FER1L5: variants seen among roughly 807,000 people sequenced by gnomAD.
FER1L5 encodes fer-1 like family member 5.
Under a neutral mutation model 279.9 loss-of-function variants are expected in FER1L5, and 187 were observed. That is an observed-to-expected ratio of 0.67 (90% CI 0.59 to 0.75). The LOEUF (loss-of-function observed/expected upper bound fraction) is 0.75. Among genes scored for constraint, FER1L5 ranks in the 30% least tolerant of loss-of-function variants. FER1L5 has a pLI of 0.00. For synonymous variants in FER1L5, 921 were observed against 989.7 expected, an observed-to-expected ratio of 0.93 and a Z score of 1.30; for missense variants, 2,091 against 2,594.4, an observed-to-expected ratio of 0.81 and a Z score of 4.21.
chr2:96,692,290 G>A, intron 31 of FER1L5, 109 bp downstream of exon 31: 2 of 1,215,056 alleles, frequency 1.6e-6, no homozygotes, highest in Non-Finnish European at 1.2e-6. Context: ...CCCAGCCAGG[G>A]CCCCTGCCTG....
chr2:96,703,377 G>C, intron 50 of FER1L5, 31 bp downstream of exon 50: 1 of 1,599,562 alleles, frequency 6.3e-7, no homozygotes, highest in Non-Finnish European at 8.5e-7. Flanking sequence ...ACTGATTAGG[G>C]CTGCTATGCC....
Position 96,691,190 on chromosome 2 carries a change from G to C in FER1L5, c.2744G>C (p.Gly915Ala), listed in dbSNP as rs1267902499. Residue 915 changes from glycine (G) to alanine (A), a missense_variant and splice_region_variant, in exon 28 of 53, where the codon GGC becomes GCC. Gly to Ala is a moderately conservative substitution (Grantham distance 60). Transcript: ENST00000624922. The surrounding 1 kb of genome is among the most constrained non-coding windows in gnomAD (Gnocchi z 6.0). The part of the protein sequence containing the change: ...VELNHAVDSK[G>A]WEYGVGIPPS... ...AGAGGCCATGGTCCACCCACCGCAG[G>C]CTGGGAGTATGGAGTGGGGATCCCA... is the stretch of plus-strand genomic sequence containing the variant. 1.9e-6 allele frequency: 3 copies of C among 1,547,044 alleles called. No homozygotes were observed. Among genetic ancestry groups the C allele is most frequent in the East Asian group, 4.9e-5 (2 of 40,866 alleles).
chr2:96,696,170 A>G, intron 37 of FER1L5, 93 bp downstream of exon 37: 1 of 1,538,888 alleles, frequency 6.5e-7, no homozygotes. Flanking sequence ...CAGTCTGGAT[A>G]CCCGTGCCCA....
intron 19 of FER1L5, among the ~76,000 whole-genome samples, chr2:96,682,289 G>T (rs187719234): frequency 6.6e-6 from 1 of 151,832 alleles, no homozygotes; most frequent in Non-Finnish European, 1.5e-5. Context: ...ACAGAGTTTC[G>T]CCATGTTGGC....
At chr2:96,662,083 C>G in intron 12 of FER1L5, 132 bp from the exon 13 acceptor site, 1 of 925,180 alleles carries the variant, frequency 1.1e-6, no homozygotes, top group Non-Finnish European at 1.7e-6. Context: ...ATGGTGGGAA[C>G]TGGAGACAGG....
At position 96,694,349 on chromosome 2, in the gene FER1L5, C is replaced by A; in HGVS notation, c.3637-11C>A. ...AGCCCAGAGGGCCTCATGCTCCCTG[C>A]CCTCCCCCAGAAGCTTGGAGAGAAG... On this transcript the variant is annotated splice_polypyrimidine_tract_variant and intron_variant, in intron 33 of 52. Transcript: ENST00000624922. This position sits in a 1 kb window ranked among gnomAD's most constrained non-coding sequence, Gnocchi z 4.6. The A allele has an allele frequency of 6.5e-7, 1 of 1,542,304 alleles. No individual in the cohort carries two copies. Among genetic ancestry groups the A allele is most frequent in the South Asian group, 1.2e-5 (1 of 82,054 alleles).
chr2:96,694,001 C>T lies in FER1L5; in HGVS notation c.3565C>T (p.Pro1189Ser). ...GATCCTGCCCCCCATGAGGTGGCAT[C>T]CCCTTGTAAAGGAGTTGGGGAAGGA... ...DRILPPMRWHPLVKELGKEEG... is the reference protein window; with the variant it reads ...DRILPPMRWHSLVKELGKEEG... The change falls in exon 33 of 53, where the codon CCC becomes TCC. Residue 1189 changes from proline (P) to serine (S), a missense_variant. Transcript: ENST00000624922. This position sits in a 1 kb window ranked among gnomAD's most constrained non-coding sequence, Gnocchi z 4.6. The T allele has an allele frequency of 6.4e-7, 1 of 1,551,290 alleles. No individual in the cohort carries two copies. The highest frequency in any genetic ancestry group is 8.7e-7 in the Non-Finnish European group (1 of 1,146,984).
At chr2:96,686,855 CAAAAAAAAAA>C (rs58724485) in intron 23 of FER1L5, among the ~76,000 whole-genome samples, 3 of 41,162 alleles carry the variant, frequency 7.3e-5, no homozygotes, top group Non-Finnish European at 1.1e-4. Flanking sequence ...GACTCCGTCT[CAAAAAAAAAA>C]AAAAAAAAAA....
intron 42 of FER1L5, 126 bp from the exon 43 acceptor site, chr2:96,699,424 C>T: frequency 1.8e-6 from 2 of 1,137,320 alleles, no homozygotes; most frequent in East Asian, 2.4e-5. Flanking sequence ...GGCAGCCTAC[C>T]CCATGCTCTG....
chr2:96,672,934 G>A lies in FER1L5; in HGVS notation c.1492-143G>A, dbSNP rs189307916. The A allele has an allele frequency of 9.8e-4, 1,005 of 1,023,950 alleles. 5 individuals are homozygous for A. The highest frequency in any genetic ancestry group is 8.8e-3 in the Middle Eastern group (27 of 3,068). 63.4% of individuals were successfully genotyped at this position (1,023,950 alleles called of 1,614,324 possible). Reference sequence around the variant, plus strand: ...GAACTGCCCTGGATCAGCAGGGTGCGAGGGAGCCTCTGAAGGCCTTTGAGA... The same window carrying A: ...GAACTGCCCTGGATCAGCAGGGTGCAAGGGAGCCTCTGAAGGCCTTTGAGA... On this transcript the variant is annotated intron_variant, in intron 18 of 52. Coordinates refer to ENST00000624922, the MANE Select transcript of FER1L5 (RefSeq NM_001293083.2).
chr2:96,653,769 C>CA, intron 8 of FER1L5, 67 bp downstream of exon 8: 1 of 1,228,446 alleles, frequency 8.1e-7, no homozygotes, highest in South Asian at 1.3e-5. Flanking sequence ...GGAAGCACTA[C>CA]AGCTCCAGCC....
Position 96,694,189 on chromosome 2 carries a change from C to G in FER1L5, c.3636+117C>G. The G allele has an allele frequency of 7.1e-7, 1 of 1,404,566 alleles. No homozygotes were observed. Among genetic ancestry groups the G allele is most frequent in the East Asian group, 2.5e-5 (1 of 39,956 alleles). The allele number at this position is 1,404,566 out of a possible 1,614,324, so 87.0% of individuals were successfully genotyped here. On this transcript the variant is annotated intron_variant, in intron 33 of 52. Transcript: ENST00000624922. This position sits in a 1 kb window ranked among gnomAD's most constrained non-coding sequence, Gnocchi z 4.6. ...AGGAAATGCCTGGGGCCCAGGATCC[C>G]GAGCTGTGGGCTTGGTGACGCTGGC...
Position 96,697,775 on chromosome 2 carries a change from A to C in FER1L5, c.4236+14A>C, listed in dbSNP as rs1254994377. 6.2e-7 allele frequency: 1 copy of C among 1,612,556 alleles called. No individual in the cohort carries two copies. The highest frequency in any genetic ancestry group is 1.3e-5 in the African/African-American group (1 of 74,920). On this transcript the variant is annotated intron_variant, in intron 39 of 52. Coordinates refer to ENST00000624922, the MANE Select transcript of FER1L5 (RefSeq NM_001293083.2). ...CACACCCTCAAGGTTTGAAGGAGGGAAGAAATGGGATGGAATCAAATCTCC... is the reference window on the plus strand; with the variant it reads ...CACACCCTCAAGGTTTGAAGGAGGGCAGAAATGGGATGGAATCAAATCTCC...
In FER1L5 at chr2:96,693,651, G is replaced by A. The variant is rs904743157; in HGVS notation, c.3438G>A (p.Pro1146=). 7.7e-6 allele frequency: 12 copies of A among 1,551,576 alleles called. No homozygotes were observed. The highest frequency in any genetic ancestry group is 3.9e-5 in the Admixed American group (2 of 50,990). ...ENPQDTKESP[P]LVVLELWQRD... is the part of the protein sequence containing the mutation. The stretch of plus-strand genomic sequence containing the variant: ...CACAGGACACCAAAGAGAGCCCACC[G>A]CTTGTGGTGCTGGAGCTGTGGCAGC... The change falls in exon 32 of 53, where the codon CCG becomes CCA. Residue 1146 remains proline (P), a synonymous_variant. Transcript: ENST00000624922.
chr2:96,655,615 G>A (rs541834095), intron 9 of FER1L5, among the ~76,000 whole-genome samples: 103 of 152,302 alleles, frequency 6.8e-4, no homozygotes, highest in African/African-American at 2.1e-3. Flanking sequence ...GGTGAAAAAT[G>A]TTGTGCTCTT....
intron 7 of FER1L5, 61 bp from the exon 8 acceptor site, chr2:96,653,569 CAGGTTTACTG>C: frequency 8.4e-7 from 1 of 1,191,244 alleles, no homozygotes. Context: ...TCTGAGCTTT[CAGGTTTACTG>C]AGTGCTTGGG....
chr2:96,648,911 T>C (rs923800331), intron 4 of FER1L5, among the ~76,000 whole-genome samples: 1 of 152,084 alleles, frequency 6.6e-6, no homozygotes, highest in Non-Finnish European at 1.5e-5. Context: ...AGTCTGTCAG[T>C]TGAGTTGTAA....
chr2:96,646,430 G>A lies in FER1L5; in HGVS notation c.115G>A (p.Gly39Arg). 1.3e-6 allele frequency: 2 copies of A among 1,551,832 alleles called. No homozygotes were observed. Among genetic ancestry groups the A allele is most frequent in the Non-Finnish European group, 1.7e-6 (2 of 1,146,988 alleles). The change falls in exon 2 of 53, where the codon GGG becomes AGG. Residue 39 changes from glycine (G) to arginine (R), a missense_variant. Coordinates refer to ENST00000624922, the MANE Select transcript of FER1L5 (RefSeq NM_001293083.2). The stretch of plus-strand genomic sequence containing the variant: ...CAAGAAAAGAACTCGTGTGGTGGAA[G>A]GGAATGATCCCGTGTGGAATGAGGT... ...DIKKRTRVVEGNDPVWNETLI... is the reference protein window; with the variant it reads ...DIKKRTRVVERNDPVWNETLI...
intron 14 of FER1L5, among the ~76,000 whole-genome samples, chr2:96,666,999 G>C (rs866166924): frequency 6.6e-6 from 1 of 152,102 alleles, no homozygotes; most frequent in African/African-American, 2.4e-5. Flanking sequence ...CCATAATGCA[G>C]AGTGGAGATG....
Sources: allele counts gnomAD v4.1 joint callset (sites outside exome capture counted in the v4.1 genomes callset), GRCh38; gene constraint gnomAD v4.1.1; non-coding constraint Gnocchi (gnomAD v3.1); transcripts MANE v1.5; gene names NCBI Gene and HGNC (gene_info 2026-07-23, HGNC 2026-07-21).